The following LSAMP variants were observed in gnomAD, a reference collection of about 807,000 sequenced individuals.
The protein encoded by LSAMP is limbic system associated membrane protein.
A neutral mutation model predicts 38.6 loss-of-function variants in LSAMP; 7 were observed. The observed-to-expected ratio is 0.18, with a 90% CI of 0.10 to 0.34. The LOEUF (loss-of-function observed/expected upper bound fraction) is 0.34, where lower values mean the gene tolerates loss of function less well. Ranked by LOEUF, LSAMP falls within the 10% of genes least tolerant of loss-of-function variation. The pLI, the probability that LSAMP is intolerant of heterozygous loss-of-function variation, is 1.00. For missense variants in LSAMP, 313 were observed against 420.0 expected, an observed-to-expected ratio of 0.75 and a Z score of 2.23; for synonymous variants, 154 against 166.8, an observed-to-expected ratio of 0.92 and a Z score of 0.59.
intron 3 of LSAMP, among the ~76,000 whole-genome samples, chr3:115,960,841 C>G (rs1938602265): frequency 6.6e-6 from 1 of 152,136 alleles, no homozygotes; most frequent in Non-Finnish European, 1.5e-5. Flanking sequence ...ATTTTTTTCC[C>G]CATGGAGAAC....
At chr3:116,088,573 G>C (rs1186695548) in intron 1 of LSAMP, among the ~76,000 whole-genome samples, 1 of 152,082 alleles carries the variant, frequency 6.6e-6, no homozygotes, top group Non-Finnish European at 1.5e-5. Flanking sequence ...GTTGAATGTA[G>C]ATTTACCATG....
chr3:115,819,292 G>A (rs530629764), intron 6 of LSAMP, among the ~76,000 whole-genome samples: 2 of 152,132 alleles, frequency 1.3e-5, no homozygotes, highest in East Asian at 3.9e-4. Context: ...AAAATTAGCT[G>A]GGTGTGGTGG....
chr3:116,375,805 C>T (rs539129093), intron 1 of LSAMP, among the ~76,000 whole-genome samples: 2 of 151,884 alleles, frequency 1.3e-5, no homozygotes, highest in East Asian at 1.9e-4. Flanking sequence ...TTTCATCATT[C>T]GACTCTCTTT....
intron 1 of LSAMP, among the ~76,000 whole-genome samples, chr3:116,258,811 A>C (rs1399860964): frequency 6.6e-6 from 1 of 152,180 alleles, no homozygotes; most frequent in Non-Finnish European, 1.5e-5. Context: ...TGATTCGTAT[A>C]GTCATACAGA....
At position 116,215,523 on chromosome 3, in the gene LSAMP, A is replaced by ACTAT. The variant is rs575320823; in HGVS notation, c.156-128971_156-128968dup. 7.9e-5 allele frequency among the ~76,000 whole-genome samples: 12 copies of ACTAT among 152,200 alleles called. No individual in the cohort carries two copies. In the South Asian group the frequency reaches 2.3e-3, roughly 29 times the overall value. Reference sequence around the variant, plus strand: ...GGAGGCCGCTTATTGAAAATGCAAAACTATCTTCATCAAGACCACCTACTT... The same window carrying ACTAT: ...GGAGGCCGCTTATTGAAAATGCAAAACTATCTATCTTCATCAAGACCACCTACTT... On this transcript the variant is annotated intron_variant, in intron 1 of 6. Transcript: ENST00000490035.
At chr3:116,388,325 T>A (rs990421640) in intron 1 of LSAMP, among the ~76,000 whole-genome samples, 1 of 152,174 alleles carries the variant, frequency 6.6e-6, no homozygotes, top group Non-Finnish European at 1.5e-5. Context: ...TGTTGAGTGT[T>A]TTTTGTTTGT....
chr3:116,110,141 T>C (rs1559746535), intron 1 of LSAMP, among the ~76,000 whole-genome samples: 1 of 148,712 alleles, frequency 6.7e-6, no homozygotes, highest in Non-Finnish European at 1.5e-5. Context: ...TACTTGCTCC[T>C]CCCCCAGAAA....
At chr3:116,127,571 A>C (rs1298682556) in intron 1 of LSAMP, among the ~76,000 whole-genome samples, 2 of 152,166 alleles carry the variant, frequency 1.3e-5, no homozygotes, top group Non-Finnish European at 2.9e-5. Context: ...AAGTACAAAA[A>C]TACTCACATT....
At chr3:116,040,612 A>G (rs532491699) in intron 2 of LSAMP, among the ~76,000 whole-genome samples, 1 of 152,356 alleles carries the variant, frequency 6.6e-6, no homozygotes, top group African/African-American at 2.4e-5. Flanking sequence ...ATAATCTCAA[A>G]TAAAATTGTG....
chr3:116,215,554 C>A (rs1013410528), intron 1 of LSAMP, among the ~76,000 whole-genome samples: 1 of 152,142 alleles, frequency 6.6e-6, no homozygotes, highest in South Asian at 2.1e-4. Flanking sequence ...TACTTCTGAA[C>A]CTTTACTTGA....
chr3:115,863,859 C>A (rs1014989857), intron 3 of LSAMP, among the ~76,000 whole-genome samples: 2 of 152,040 alleles, frequency 1.3e-5, no homozygotes, highest in Admixed American at 6.6e-5. Context: ...AAAAGAAAAT[C>A]TCTACGATTT....
chr3:116,128,362 C>G (rs941695809), intron 1 of LSAMP, among the ~76,000 whole-genome samples: 1 of 152,216 alleles, frequency 6.6e-6, no homozygotes, highest in Non-Finnish European at 1.5e-5. Context: ...ATCTGAGCGT[C>G]TGACTTCAGA....
intron 1 of LSAMP, among the ~76,000 whole-genome samples, chr3:116,396,297 G>C (rs1272012083): frequency 1.3e-5 from 2 of 152,154 alleles, no homozygotes; most frequent in African/African-American, 4.8e-5. Flanking sequence ...TTAGATGGGA[G>C]GAAAGAGCGT....
At chr3:115,895,045 C>A (rs1936693948) in intron 3 of LSAMP, among the ~76,000 whole-genome samples, 1 of 151,746 alleles carries the variant, frequency 6.6e-6, no homozygotes, top group Non-Finnish European at 1.5e-5. Flanking sequence ...GTCAGACAAA[C>A]AAACAAAAAA....
In LSAMP at chr3:116,285,243, G is replaced by A. The variant is rs547397358; in HGVS notation, c.155+159634C>T. On this transcript the variant is annotated intron_variant, in intron 1 of 6. Coordinates refer to ENST00000490035, the MANE Select transcript of LSAMP (RefSeq NM_002338.5). ...AATCCCATATCACTGTTCTGCAATG[G>A]CCTCCCGTCACTCATGGAATAAAAT... Among the ~76,000 whole-genome samples the A allele has an allele frequency of 3.3e-5, 5 of 152,144 alleles. No individual in the cohort carries two copies. The South Asian group carries it at 8.3e-4, about 25-fold the overall frequency.
chr3:116,328,990 G>A, intron 1 of LSAMP, among the ~76,000 whole-genome samples: 1 of 152,116 alleles, frequency 6.6e-6, no homozygotes, highest in East Asian at 1.9e-4. Context: ...TCATTAAGAT[G>A]GGTTTATAAT....
intron 4 of LSAMP, among the ~76,000 whole-genome samples, chr3:115,851,666 A>G (rs1935334411): frequency 6.6e-6 from 1 of 152,168 alleles, no homozygotes; most frequent in East Asian, 1.9e-4. Context: ...TGTGCATTCA[A>G]TGCATAGAAG....
intron 3 of LSAMP, among the ~76,000 whole-genome samples, chr3:115,924,385 A>C (rs1036497125): frequency 6.6e-6 from 1 of 152,156 alleles, no homozygotes; most frequent in Non-Finnish European, 1.5e-5. Context: ...TCTTTCATTA[A>C]ATTTTACAAT....
rs1170325465 is a variant in LSAMP, at chr3:115,930,002, GTTTT to G, written c.515-77389_515-77386del. On this transcript the variant is annotated intron_variant, in intron 3 of 6. Coordinates refer to ENST00000490035, the MANE Select transcript of LSAMP (RefSeq NM_002338.5). ...ATCCAGATCTATAAATTTAGCAGAA[GTTTT>G]TTTTTTTTTTTTTTTTTTTTGACAC... Among the ~76,000 whole-genome samples, 9 of 80,294 alleles carry G rather than the reference GTTTT, an allele frequency of 1.1e-4. 1 individual carries two copies. Among genetic ancestry groups the G allele is most frequent in the East Asian group, 9.0e-4 (2 of 2,230 alleles). The allele number at this position is 80,294 out of a possible 152,430, so 52.7% of individuals were successfully genotyped here. A position where few individuals can be genotyped will look rare whatever the true frequency, so the allele number is the denominator to read the frequency against.
Sources: allele counts gnomAD v4.1 joint callset (sites outside exome capture counted in the v4.1 genomes callset), GRCh38; gene constraint gnomAD v4.1.1; transcripts MANE v1.5; gene names NCBI Gene and HGNC (gene_info 2026-07-23, HGNC 2026-07-21).